PSD3: variants seen among roughly 807,000 people sequenced by gnomAD.
PSD3 encodes the protein PH and SEC7 domain-containing protein 3.
Under a neutral mutation model 105.5 loss-of-function variants are expected in PSD3, and 49 were observed. The observed-to-expected ratio is 0.46, with a 90% confidence interval of 0.37 to 0.59. PSD3 has a LOEUF of 0.59. PSD3 is among the 20% of genes least tolerant of loss of function. PSD3 has a pLI of 0.00. For synonymous variants in PSD3, 557 were observed against 457.8 expected, an observed-to-expected ratio of 1.22 and a Z score of -2.77; for missense variants, 1,561 against 1,263.8, an observed-to-expected ratio of 1.24 and a Z score of -3.57.
chr8:18,616,618 C>CTT (rs36197855), intron 11 of PSD3, among the ~76,000 whole-genome samples: 16 of 72,364 alleles, frequency 2.2e-4, no homozygotes, highest in South Asian at 4.0e-4. Flanking sequence ...ATCTTCCTCT[C>CTT]TTTTCTTTTC....
chr8:18,670,349 T>C (rs1298008164), intron 9 of PSD3, among the ~76,000 whole-genome samples: 1 of 152,198 alleles, frequency 6.6e-6, no homozygotes, highest in Non-Finnish European at 1.5e-5. Context: ...TATTCTGTGC[T>C]GGCCGGGTGA....
At chr8:18,628,819 A>G (rs1806685822) in intron 11 of PSD3, among the ~76,000 whole-genome samples, 1 of 151,970 alleles carries the variant, frequency 6.6e-6, no homozygotes, top group Non-Finnish European at 1.5e-5. Flanking sequence ...AAAGAAGTAC[A>G]GCAAACAGGC....
chr8:18,830,324 G>A (rs1379986419), intron 4 of PSD3, among the ~76,000 whole-genome samples: 1 of 152,190 alleles, frequency 6.6e-6, no homozygotes, highest in Non-Finnish European at 1.5e-5. Context: ...AAAGCCTTTA[G>A]GTCCTACAAG....
intron 9 of PSD3, among the ~76,000 whole-genome samples, chr8:18,708,222 G>A (rs928280949): frequency 5.9e-5 from 9 of 152,102 alleles, no homozygotes; most frequent in Non-Finnish European, 1.2e-4. Context: ...GAGGATATAA[G>A]GATAAAGACA....
Position 18,763,028 on chromosome 8 carries a change from A to G in PSD3, c.2172+2421T>C, listed in dbSNP as rs760396894. The G allele has an allele frequency of 1.7e-5, 11 of 638,402 alleles. No homozygotes were observed. In the African/African-American group the frequency reaches 2.1e-4, roughly 12 times the overall value. 39.5% of individuals were successfully genotyped at this position (638,402 alleles called of 1,614,324 possible). On this transcript the variant is annotated intron_variant, in intron 9 of 15. Transcript: ENST00000327040. ...CATCTTCTCCAATCCCACAACACCT[A>G]GTAAACACACAGCAGACCTTTAATA...
chr8:19,070,259 T>A (rs967420721), intron 1 of PSD3, among the ~76,000 whole-genome samples: 1 of 152,068 alleles, frequency 6.6e-6, no homozygotes, highest in South Asian at 2.1e-4. Context: ...GGTTTAAACC[T>A]TTTATTTTCC....
intron 9 of PSD3, among the ~76,000 whole-genome samples, chr8:18,669,808 A>G (rs376334374): frequency 7.2e-5 from 11 of 152,386 alleles, no homozygotes; most frequent in Middle Eastern, 3.4e-3. Flanking sequence ...AGCATATGGT[A>G]TAAGTATTAA....
chr8:19,084,328 T>C (rs1347879276), exon 1 of PSD3: 2 of 456,102 alleles, frequency 4.4e-6, no homozygotes, highest in African/African-American at 4.0e-5. Flanking sequence ...TTACAGCTCC[T>C]GGGGAGTATT....
chr8:18,581,602 G>A (rs1802822459), intron 12 of PSD3, among the ~76,000 whole-genome samples: 1 of 152,114 alleles, frequency 6.6e-6, no homozygotes, highest in Admixed American at 6.5e-5. Context: ...AGAAAGAAGT[G>A]TTCACCCGAA....
chr8:18,938,222 A>G (rs962755684), intron 1 of PSD3, among the ~76,000 whole-genome samples: 4 of 152,236 alleles, frequency 2.6e-5, no homozygotes, highest in African/African-American at 7.2e-5. Context: ...TCAGCTAGAA[A>G]TCCAAACGAG....
At position 18,589,559 on chromosome 8, in the gene PSD3, A is replaced by C. The variant is rs560946118; in HGVS notation, c.2481+10805T>G. Among the ~76,000 whole-genome samples the C allele has an allele frequency of 5.9e-5, 9 of 152,344 alleles. 1 individual carries two copies. The East Asian group carries it at 1.7e-3, about 29-fold the overall frequency. On this transcript the variant is annotated intron_variant, in intron 12 of 15. Transcript: ENST00000327040. The stretch of plus-strand genomic sequence containing the variant: ...CTTCCTAATTTGGACACTTGAAAAC[A>C]GTTCAGATAAAAAATAAAACAAAAA...
At chr8:18,818,113 T>C (rs1450954181) in intron 4 of PSD3, among the ~76,000 whole-genome samples, 1 of 151,952 alleles carries the variant, frequency 6.6e-6, no homozygotes. Context: ...GCCACTACGC[T>C]TGGCTAATTT....
chr8:18,876,921 T>A (rs186207432), intron 2 of PSD3, among the ~76,000 whole-genome samples: 1 of 152,234 alleles, frequency 6.6e-6, no homozygotes, highest in Non-Finnish European at 1.5e-5. Context: ...TGCATTTCCC[T>A]AATGACTAAT....
At chr8:19,012,535 CAGCTCCTCTCTGAGAACT>C (rs1827000526) in intron 1 of PSD3, among the ~76,000 whole-genome samples, 1 of 152,124 alleles carries the variant, frequency 6.6e-6, no homozygotes, top group Non-Finnish European at 1.5e-5. Context: ...GCATAACTGC[CAGCTCCTCTCTGAGAACT>C]TCCAAGCCCG....
intron 2 of PSD3, among the ~76,000 whole-genome samples, chr8:18,889,960 G>A (rs1818679799): frequency 1.3e-5 from 2 of 152,082 alleles, no homozygotes; most frequent in African/African-American, 4.8e-5. Context: ...TTGATATAAT[G>A]TGTTATTTCT....
intron 9 of PSD3, among the ~76,000 whole-genome samples, chr8:18,738,435 AAGG>A (rs1271229920): frequency 1.3e-5 from 2 of 152,178 alleles, no homozygotes; most frequent in Non-Finnish European, 2.9e-5. Flanking sequence ...CTGCATTGTC[AAGG>A]AGGACAGGGC....
intron 11 of PSD3, among the ~76,000 whole-genome samples, chr8:18,606,373 C>T (rs1429671346): frequency 6.6e-6 from 1 of 152,182 alleles, no homozygotes; most frequent in Non-Finnish European, 1.5e-5. Context: ...TTGGCCACCT[C>T]CCCACATTTG....
intron 4 of PSD3, among the ~76,000 whole-genome samples, chr8:18,830,891 A>G (rs193210681): frequency 6.6e-6 from 1 of 152,344 alleles, no homozygotes; most frequent in Non-Finnish European, 1.5e-5. Context: ...CAGCTATGGA[A>G]AATACCTACA....
intron 1 of PSD3, among the ~76,000 whole-genome samples, chr8:19,076,620 A>G (rs893083775): frequency 1.3e-5 from 2 of 152,256 alleles, no homozygotes; most frequent in African/African-American, 4.8e-5. Flanking sequence ...TGATGTTTAA[A>G]GAAACAGAAA....
Sources: gnomAD v4.1 joint callset for allele counts (sites outside exome capture counted in the v4.1 genomes callset) on GRCh38, gnomAD v4.1.1 for gene constraint, MANE v1.5 for transcripts, NCBI Gene and HGNC (gene_info 2026-07-23, HGNC 2026-07-21) for gene names.